Variants in TNRC18 observed in about 807,000 individuals in gnomAD.
TNRC18 encodes trinucleotide repeat-containing gene 18 protein.
A neutral mutation model predicts 226.7 loss-of-function variants in TNRC18; 69 were observed. The observed-to-expected ratio is 0.30, with a 90% CI of 0.25 to 0.37. TNRC18 has a LOEUF of 0.37. TNRC18 is among the 10% of genes least tolerant of loss of function. The pLI, the probability that TNRC18 is intolerant of heterozygous loss-of-function variation, is 1.00. For missense variants in TNRC18, 4,754 were observed against 4,256.6 expected (o/e 1.12, Z -3.25); for synonymous variants, 2,449 against 1,927.6 (o/e 1.27, Z -7.09).
intron 17 of TNRC18, among the ~76,000 whole-genome samples, chr7:5,350,647 T>C (rs1283948998): frequency 6.6e-6 from 1 of 152,192 alleles, no homozygotes; most frequent in Non-Finnish European, 1.5e-5. Context: ...GAGATTCACT[T>C]GCTTCCCTTT....
At position 5,345,616 on chromosome 7, in the gene TNRC18, G is replaced by T. The variant is rs954796919; in HGVS notation, c.5665C>A (p.Gln1889Lys). ...PTVGPSLSVV[Q>K]LEAKQKARKK... ...CGGGCCTTCTGCTTGGCCTCCAGCT[G>T]TACCACAGACAGGGATGGACCCACC... Residue 1889 changes from glutamine (Q) to lysine (K), a missense_variant, in exon 18 of 30, where the codon CAG becomes AAG. Gln to Lys is a moderately conservative substitution (Grantham distance 53, BLOSUM62 1). Transcript: ENST00000430969. The T allele has an allele frequency of 3.2e-6, 5 of 1,553,392 alleles. No homozygotes were observed. The highest frequency in any genetic ancestry group is 4.4e-6 in the Non-Finnish European group (5 of 1,148,710).
intron 2 of TNRC18, among the ~76,000 whole-genome samples, chr7:5,418,039 T>C (rs2128223457): frequency 6.6e-6 from 1 of 152,148 alleles, no homozygotes; most frequent in African/African-American, 2.4e-5. Context: ...CCCAGAACCC[T>C]GGGTCCCACC....
chr7:5,377,316 G>GCCCCCCCCCCCCCC lies in TNRC18; in HGVS notation c.2461+54_2461+55insGGGGGGGGGGGGGG. On this transcript the variant is annotated intron_variant, in intron 7 of 29. Transcript: ENST00000430969. The surrounding 1 kb of genome is among the most constrained non-coding windows in gnomAD (Gnocchi z 5.8). ...AGCCCTGAGCTCTTGTCCTGCACCC[G>GCCCCCCCCCCCCCC]CCCCCTCCCACCCCTCCCTCAGAGA... 1 of 453,412 alleles carries GCCCCCCCCCCCCCC rather than the reference G, an allele frequency of 2.2e-6. No homozygotes were observed. Among genetic ancestry groups the GCCCCCCCCCCCCCC allele is most frequent in the Non-Finnish European group, 4.2e-6 (1 of 240,316 alleles). The allele number at this position is 453,412 out of a possible 1,614,324, so 28.1% of individuals were successfully genotyped here.
Position 5,320,624 on chromosome 7 carries a change from G to A in TNRC18, c.6561-17C>T, listed in dbSNP as rs1350814714. On this transcript the variant is annotated splice_polypyrimidine_tract_variant and intron_variant, in intron 22 of 29. Coordinates refer to ENST00000430969, the MANE Select transcript of TNRC18 (RefSeq NM_001080495.3). Reference sequence around the variant, plus strand: ...ACGCGGTATCTGTAGGAGCAAACGAGGCGTGAGGTGGCAGAGGCCGAGACC... The same window carrying A: ...ACGCGGTATCTGTAGGAGCAAACGAAGCGTGAGGTGGCAGAGGCCGAGACC... 6 of 1,608,518 alleles carry A rather than the reference G, an allele frequency of 3.7e-6. No individual in the cohort carries two copies. The highest frequency in any genetic ancestry group is 2.2e-4 in the Middle Eastern group (1 of 4,452).
In TNRC18 at chr7:5,324,235, C is replaced by T. The variant is rs377338812; in HGVS notation, c.6421G>A (p.Val2141Met). ...TCACCCGGGGTCAGCGGCCGCTCCA[C>T]AGCCCCGCCACGCGGCAGGTGCTCG... ...EDEHLPRGGA[V>M]ERPLTPAPRS... The change falls in exon 21 of 30, where the codon GTG (valine) becomes ATG (methionine). Residue 2141 changes from valine to methionine, a missense_variant. Physicochemically the swap from Val to Met is conservative, Grantham distance 21 (BLOSUM62 1). Transcript: ENST00000430969. The surrounding 1 kb of genome is among the most constrained non-coding windows in gnomAD (Gnocchi z 4.8). 2.5e-6 allele frequency: 4 copies of T among 1,609,586 alleles called. No individual in the cohort carries two copies. The highest frequency in any genetic ancestry group is 3.4e-6 in the Non-Finnish European group (4 of 1,178,734).
chr7:5,394,338 A>G lies in TNRC18; in HGVS notation c.343+102T>C, dbSNP rs1780507447. 5 of 1,171,278 alleles carry G rather than the reference A, an allele frequency of 4.3e-6. No individual in the cohort carries two copies. Among genetic ancestry groups the G allele is most frequent in the Admixed American group, 7.1e-5 (2 of 27,982 alleles). The allele number at this position is 1,171,278 out of a possible 1,614,324, so 72.6% of individuals were successfully genotyped here. A position where few individuals can be genotyped will look rare whatever the true frequency, so the allele number is the denominator to read the frequency against. On this transcript the variant is annotated intron_variant, in intron 3 of 29. Transcript: ENST00000430969. This position sits in a 1 kb window ranked among gnomAD's most constrained non-coding sequence, Gnocchi z 4.5. ...GAAGCCAGGTGACCTGGGACCCACC[A>G]GCCCCAGCTCAGCGATGACAACAGA...
At chr7:5,321,274 C>T in intron 21 of TNRC18, 84 bp from the exon 22 acceptor site, 1 of 1,016,800 alleles carries the variant, frequency 9.8e-7, no homozygotes, top group Non-Finnish European at 1.4e-6. Flanking sequence ...CCAAGTCATC[C>T]CCTTGGAATG....
intron 18 of TNRC18, among the ~76,000 whole-genome samples, chr7:5,341,300 T>A (rs1239143995): frequency 6.7e-6 from 1 of 150,346 alleles, no homozygotes; most frequent in Non-Finnish European, 1.5e-5. Context: ...GCACCTGTAG[T>A]CTCACCTACT....
chr7:5,418,282 T>C (rs951490931), intron 2 of TNRC18, among the ~76,000 whole-genome samples: 1 of 152,158 alleles, frequency 6.6e-6, no homozygotes, highest in Non-Finnish European at 1.5e-5. Context: ...CTCAAGGTAA[T>C]AGGAAACTTA....
At chr7:5,364,535 G>A (rs1328706129) in intron 11 of TNRC18, among the ~76,000 whole-genome samples, 1 of 149,288 alleles carries the variant, frequency 6.7e-6, no homozygotes, top group African/African-American at 2.5e-5. Flanking sequence ...TGGGCACGGT[G>A]GCTCATGCCT....
chr7:5,382,935 C>T (rs1329206022), intron 5 of TNRC18, among the ~76,000 whole-genome samples: 1 of 152,204 alleles, frequency 6.6e-6, no homozygotes, highest in Non-Finnish European at 1.5e-5. Flanking sequence ...TCTTACTCTG[C>T]CACCCAGGTT....
At chr7:5,372,128 C>T (rs932676320) in intron 10 of TNRC18, among the ~76,000 whole-genome samples, 1 of 151,462 alleles carries the variant, frequency 6.6e-6, no homozygotes, top group African/African-American at 2.4e-5. Flanking sequence ...AGTGCAGTGG[C>T]GCGATCGCGG....
chr7:5,388,324 G>A lies in TNRC18; in HGVS notation c.1500C>T (p.Arg500=), dbSNP rs748124071. The part of the protein sequence containing the change: ...AAKLFGLEPG[R]PPPTGPEHKW... Reference sequence around the variant, plus strand: ...TATGCTCAGGGCCGGTGGGCGGGGGGCGCCCGGGCTCCAGGCCGAAGAGCT... The same window carrying A: ...TATGCTCAGGGCCGGTGGGCGGGGGACGCCCGGGCTCCAGGCCGAAGAGCT... Residue 500 remains arginine (R), a synonymous_variant, in exon 5 of 30, where the codon CGC becomes CGT. Coordinates refer to ENST00000430969, the MANE Select transcript of TNRC18 (RefSeq NM_001080495.3). 3.3e-6 allele frequency: 5 copies of A among 1,524,840 alleles called. No homozygotes were observed. The highest frequency in any genetic ancestry group is 2.4e-5 in the East Asian group (1 of 42,236). The allele number at this position is 1,524,840 out of a possible 1,614,324, so 94.5% of individuals were successfully genotyped here.
rs753052374 is a variant in TNRC18 at position 5,351,808 on chromosome 7, G to C, written c.5470+11C>G. On this transcript the variant is annotated intron_variant, in intron 17 of 29. Transcript: ENST00000430969. ...AAACACGGAAGGTATTTTGTGTTTG[G>C]AGCTAGTAACCTTGGTCAAACGATT... 5 of 1,568,960 alleles carry C rather than the reference G, an allele frequency of 3.2e-6. No homozygotes were observed. Among genetic ancestry groups the C allele is most frequent in the Middle Eastern group, 3.4e-4 (2 of 5,832 alleles).
intron 17 of TNRC18, among the ~76,000 whole-genome samples, chr7:5,347,513 A>C (rs568045004): frequency 6.6e-6 from 1 of 151,948 alleles, no homozygotes; most frequent in Admixed American, 6.6e-5. Context: ...AAAAATTTTA[A>C]AATTAGCCAG....
At position 5,309,005 on chromosome 7, in the gene TNRC18, C is replaced by A. The variant is rs1424828722; in HGVS notation, c.8626-56G>T. The A allele has an allele frequency of 9.7e-6, 15 of 1,552,472 alleles. No individual in the cohort carries two copies. The East Asian group carries it at 1.2e-4, about 12-fold the overall frequency. On this transcript the variant is annotated intron_variant, in intron 28 of 29. Coordinates refer to ENST00000430969, the MANE Select transcript of TNRC18 (RefSeq NM_001080495.3). This position sits in a 1 kb window ranked among gnomAD's most constrained non-coding sequence, Gnocchi z 5.7. ...GAGCCCGGGGGCTGCTGCACCCGAC[C>A]CCAGGCCCCAGGACAGGGCTGACCC...
chr7:5,390,195 C>A (rs1211108051), intron 4 of TNRC18: 2 of 510,686 alleles, frequency 3.9e-6, no homozygotes, highest in Non-Finnish European at 6.8e-6. Flanking sequence ...AAGACTCCAC[C>A]TCTACAGAAA....
chr7:5,313,518 G>A lies in TNRC18; in HGVS notation c.7373C>T (p.Ala2458Val), dbSNP rs1787514617. The change falls in exon 27 of 30, where the codon GCC becomes GTC. Residue 2458 changes from alanine (A) to valine (V), a missense_variant. By Grantham distance (64) the Ala-to-Val change is moderately conservative (BLOSUM62 0). Transcript: ENST00000430969. ...GTGGTCCAGTTTGACAAGCAGCTCG[G>A]CCTCCTCCCCCGGCCTCCGAGGGCC... Reference protein sequence around the residue: ...AKGPRRPGEEAELLVKLDHEG... With the variant: ...AKGPRRPGEEVELLVKLDHEG... 1.2e-6 allele frequency: 2 copies of A among 1,612,950 alleles called. No individual in the cohort carries two copies. The highest frequency in any genetic ancestry group is 1.3e-5 in the African/African-American group (1 of 75,026).
intron 2 of TNRC18, among the ~76,000 whole-genome samples, chr7:5,414,324 TATAAA>T (rs1346487024): frequency 6.6e-6 from 1 of 150,948 alleles, no homozygotes; most frequent in Non-Finnish European, 1.5e-5. Context: ...TATTTATAGA[TATAAA>T]ATAGATATTT....
Sources: allele counts gnomAD v4.1 joint callset (sites outside exome capture counted in the v4.1 genomes callset), GRCh38; gene constraint gnomAD v4.1.1; non-coding constraint Gnocchi (gnomAD v3.1); transcripts MANE v1.5; gene names NCBI Gene and HGNC (gene_info 2026-07-23, HGNC 2026-07-21).